PHF14: variants seen among roughly 807,000 people sequenced by gnomAD.
PHF14 encodes PHD finger protein 14.
In PHF14, 55 loss-of-function variants were observed where a neutral mutation model predicts 117.9. The observed-to-expected ratio is 0.47, with a 90% CI of 0.38 to 0.58. The LOEUF (loss-of-function observed/expected upper bound fraction) is 0.58. PHF14 is among the 20% of genes least tolerant of loss of function. The pLI, the probability that PHF14 is intolerant of heterozygous loss-of-function variation, is 0.00. For synonymous variants in PHF14, 409 were observed against 368.6 expected (o/e 1.11, Z -1.26); for missense variants, 978 against 1,122.2 (o/e 0.87, Z 1.84).
chr7:11,024,557 C>G (rs749757748), intron 6 of PHF14, among the ~76,000 whole-genome samples: 6 of 152,102 alleles, frequency 3.9e-5, no homozygotes, highest in African/African-American at 7.2e-5. Context: ...TAAGTTGAAG[C>G]CAGTGCTCCT....
chr7:11,111,620 C>G (rs917546181), intron 17 of PHF14, among the ~76,000 whole-genome samples, 153 bp downstream of exon 17: 17 of 152,012 alleles, frequency 1.1e-4, no homozygotes, highest in Admixed American at 7.9e-4. Flanking sequence ...TGGTTATTTT[C>G]TTGCTCTTAA....
At chr7:11,131,265 AC>A (rs1788084362) in intron 17 of PHF14, among the ~76,000 whole-genome samples, 2 of 151,926 alleles carry the variant, frequency 1.3e-5, no homozygotes, top group Admixed American at 1.3e-4. Flanking sequence ...AAATGGCAGT[AC>A]CATTTTGCAT....
At chr7:11,139,637 AC>A (rs1416147018) in intron 17 of PHF14, among the ~76,000 whole-genome samples, 4 of 152,186 alleles carry the variant, frequency 2.6e-5, no homozygotes, top group Non-Finnish European at 5.9e-5. Context: ...TTTCACACTA[AC>A]CCTAAAGTAC....
chr7:10,974,892 C>T lies in PHF14; in HGVS notation c.59C>T (p.Ala20Val), dbSNP rs1469551322. The T allele has an allele frequency of 6.3e-7, 1 of 1,595,608 alleles. No homozygotes were observed. The highest frequency in any genetic ancestry group is 8.5e-7 in the Non-Finnish European group (1 of 1,169,826). Reference protein sequence around the residue: ...VKPLAASLLEALDYDSSDDSD... With the variant: ...VKPLAASLLEVLDYDSSDDSD... ...CCTTTGGCAGCTTCTCTGCTGGAAG[C>T]TCTTGATTATGATAGTTCAGATGAC... is the stretch of plus-strand genomic sequence containing the variant. Residue 20 changes from alanine (A) to valine (V), a missense_variant, in exon 2 of 18, where the codon GCT (alanine) becomes GTT (valine). By Grantham distance (64) the Ala-to-Val change is moderately conservative (BLOSUM62 0). Coordinates refer to ENST00000634607, the MANE Select transcript of PHF14 (RefSeq NM_001007157.2).
intron 17 of PHF14, among the ~76,000 whole-genome samples, chr7:11,159,844 C>G (rs1203584552): frequency 6.6e-6 from 1 of 152,040 alleles, no homozygotes; most frequent in Non-Finnish European, 1.5e-5. Flanking sequence ...AAAGATATTC[C>G]TTTTTATTCA....
At chr7:11,162,191 C>T (rs771713423) in intron 17 of PHF14, among the ~76,000 whole-genome samples, 10 of 137,208 alleles carry the variant, frequency 7.3e-5, no homozygotes, top group South Asian at 4.9e-4. Context: ...CAGGTTCAAG[C>T]GATTCTTGTG....
At chr7:10,998,333 A>G (rs1332168726) in intron 4 of PHF14, among the ~76,000 whole-genome samples, 1 of 152,044 alleles carries the variant, frequency 6.6e-6, no homozygotes, top group Non-Finnish European at 1.5e-5. Flanking sequence ...AGAGTGGGAC[A>G]GTGGGGAGTT....
rs931213426 is a variant in PHF14 at position 11,074,083 on chromosome 7, A to T, written c.2654+11998A>T. Among the ~76,000 whole-genome samples the T allele has an allele frequency of 4.6e-5, 7 of 152,192 alleles. No homozygotes were observed. The East Asian group carries it at 1.4e-3, about 29-fold the overall frequency. On this transcript the variant is annotated intron_variant, in intron 16 of 17. Transcript: ENST00000634607. Reference sequence around the variant, plus strand: ...CTGGAAGATCTCCAAAATGCGTTCAATGCCTTTCCCCCATGTCTTGGCTAT... The same window carrying T: ...CTGGAAGATCTCCAAAATGCGTTCATTGCCTTTCCCCCATGTCTTGGCTAT...
At chr7:10,984,151 C>T (rs1368192913) in intron 3 of PHF14, among the ~76,000 whole-genome samples, 2 of 152,056 alleles carry the variant, frequency 1.3e-5, no homozygotes, top group Non-Finnish European at 2.9e-5. Flanking sequence ...GATTTTTCCT[C>T]TTATGCTTTA....
chr7:11,036,546 T>C lies in PHF14; in HGVS notation c.1731T>C (p.Arg577=), dbSNP rs1784331369. 1 of 1,613,994 alleles carries C rather than the reference T, an allele frequency of 6.2e-7. No individual in the cohort carries two copies. The highest frequency in any genetic ancestry group is 1.1e-5 in the South Asian group (1 of 91,084). ...RPLTSSASAI[R]KLMRKAELMG... ...TCACCAGCAGTGCTTCAGCTATTCG[T>C]AAACTTATGCGGAAAGCAGAACTCA... The change falls in exon 9 of 18, where the codon CGT becomes CGC. Residue 577 remains arginine, a synonymous_variant. Transcript: ENST00000634607.
intron 17 of PHF14, among the ~76,000 whole-genome samples, chr7:11,119,131 A>T (rs1287142784): frequency 6.6e-6 from 1 of 151,906 alleles, no homozygotes; most frequent in Admixed American, 6.6e-5. Flanking sequence ...GAGAAACTAA[A>T]TCATAACTGA....
intron 4 of PHF14, among the ~76,000 whole-genome samples, chr7:10,999,231 C>T (rs995391459): frequency 1.3e-5 from 2 of 152,128 alleles, no homozygotes; most frequent in African/African-American, 2.4e-5. Context: ...ATAAGGCTGC[C>T]CCCTGATAGT....
At chr7:11,051,403 C>T (rs1784847318) in intron 13 of PHF14, among the ~76,000 whole-genome samples, 1 of 152,094 alleles carries the variant, frequency 6.6e-6, no homozygotes, top group Non-Finnish European at 1.5e-5. Flanking sequence ...TTACAGGATA[C>T]ATTAAATTGC....
intron 16 of PHF14, among the ~76,000 whole-genome samples, chr7:11,070,731 C>T (rs929206880): frequency 6.6e-5 from 10 of 152,132 alleles, no homozygotes; most frequent in South Asian, 2.1e-4. Flanking sequence ...ACTTTGTCCA[C>T]GAGGTGAGTA....
At chr7:10,992,880 A>G (rs988299828) in intron 4 of PHF14, among the ~76,000 whole-genome samples, 1 of 152,184 alleles carries the variant, frequency 6.6e-6, no homozygotes, top group Non-Finnish European at 1.5e-5. Context: ...TTAATGTAGA[A>G]CAGTCCTTGA....
At position 10,974,262 on chromosome 7, in the gene PHF14, C is replaced by T; in HGVS notation, c.-62C>T. 4 of 1,488,232 alleles carry T rather than the reference C, an allele frequency of 2.7e-6. No homozygotes were observed. The highest frequency in any genetic ancestry group is 3.7e-6 in the Non-Finnish European group (4 of 1,085,462). 92.2% of individuals were successfully genotyped at this position (1,488,232 alleles called of 1,614,324 possible). On this transcript the variant is annotated 5_prime_UTR_variant, in exon 1 of 18. Coordinates refer to ENST00000634607, the MANE Select transcript of PHF14 (RefSeq NM_001007157.2). ...GCGGCCCCAGTCCCCGACCTCGGCG[C>T]TGCCTGGGCTCCTGCAGCCTCTCCC... is the stretch of plus-strand genomic sequence containing the variant.
chr7:10,990,887 A>G (rs555478817), intron 4 of PHF14, 40 bp downstream of exon 4: 2 of 1,473,640 alleles, frequency 1.4e-6, no homozygotes, highest in East Asian at 2.4e-5. Context: ...GAAATGGCTG[A>G]CTGTGGCTCT....
chr7:11,067,435 A>G (rs1315490618), intron 16 of PHF14, among the ~76,000 whole-genome samples: 2 of 152,186 alleles, frequency 1.3e-5, no homozygotes, highest in African/African-American at 4.8e-5. Flanking sequence ...TAAAGACAGA[A>G]TTACCATTTG....
intron 17 of PHF14, among the ~76,000 whole-genome samples, chr7:11,155,315 A>G (rs535965658): frequency 1.1e-4 from 16 of 152,304 alleles, no homozygotes; most frequent in African/African-American, 3.6e-4. Context: ...ACAAAGCCCA[A>G]ATTTCCTCCA....
Sources: allele counts gnomAD v4.1 joint callset (sites outside exome capture counted in the v4.1 genomes callset), GRCh38; gene constraint gnomAD v4.1.1; transcripts MANE v1.5; gene names NCBI Gene and HGNC (gene_info 2026-07-23, HGNC 2026-07-21).